The following TBC1D4 variants were observed in gnomAD, a reference collection of about 807,000 sequenced individuals.
TBC1D4 encodes TBC (Tre-2, BUB2, CDC16) domain-containing protein.
TBC1D4 carries 121 observed loss-of-function variants against 142.5 expected under a neutral mutation model. That is an observed-to-expected ratio of 0.85 (90% CI 0.73 to 0.99). The LOEUF is 0.99. TBC1D4 is among the 50% of genes least tolerant of loss of function. The pLI is 0.00. For missense variants in TBC1D4, 1,475 were observed against 1,606.6 expected (o/e 0.92, Z 1.40); for synonymous variants, 630 against 628.2 (o/e 1.00, Z -0.04).
chr13:75,376,421 A>G (rs1034077631), intron 1 of TBC1D4, among the ~76,000 whole-genome samples: 2 of 145,062 alleles, frequency 1.4e-5, no homozygotes, highest in East Asian at 4.1e-4. Flanking sequence ...TGTGTCACCC[A>G]GGCTGGAGTG....
At position 75,481,593 on chromosome 13, in the gene TBC1D4, T is replaced by C; in HGVS notation, c.175A>G (p.Met59Val). Residue 59 changes from methionine to valine, a missense_variant, in exon 1 of 21, where the codon ATG becomes GTG. This residue lies in a region of TBC1D4 where 1,227 missense variants were observed against 1,267.7 expected (regional missense o/e 0.97). Coordinates refer to ENST00000377636, the MANE Select transcript of TBC1D4 (RefSeq NM_014832.5). ...TGGCTGCGCCTGCGGATCTCGGCCA[T>C]GAGCCAGGGCAGCATAGGCAGCGTG... Reference protein sequence around the residue: ...RTTLPMLPWLMAEIRRRSQKP... With the variant: ...RTTLPMLPWLVAEIRRRSQKP... 1.2e-6 allele frequency: 2 copies of C among 1,607,390 alleles called. No homozygotes were observed. The highest frequency in any genetic ancestry group is 1.3e-5 in the African/African-American group (1 of 74,692).
At chr13:75,333,055 T>C (rs765688503) in intron 8 of TBC1D4, among the ~76,000 whole-genome samples, 2 of 152,248 alleles carry the variant, frequency 1.3e-5, no homozygotes, top group Non-Finnish European at 2.9e-5. Context: ...AATGGTTAAT[T>C]CAAAGTTCCT....
At chr13:75,297,962 T>C (rs975276364) in intron 17 of TBC1D4, among the ~76,000 whole-genome samples, 2 of 152,064 alleles carry the variant, frequency 1.3e-5, no homozygotes, top group Non-Finnish European at 2.9e-5. Context: ...CTTCAGAAAG[T>C]AAAGAAAAAT....
chr13:75,406,069 G>C (rs1307515955), intron 1 of TBC1D4, among the ~76,000 whole-genome samples: 1 of 152,200 alleles, frequency 6.6e-6, no homozygotes, highest in African/African-American at 2.4e-5. Context: ...AGTCATAATT[G>C]AATTCGTTCG....
intron 14 of TBC1D4, among the ~76,000 whole-genome samples, chr13:75,308,208 G>T (rs1025729161): frequency 3.3e-5 from 5 of 152,232 alleles, no homozygotes; most frequent in Non-Finnish European, 7.3e-5. Context: ...CAGAGAAACA[G>T]AGAACCGATG....
chr13:75,420,012 G>A (rs1397123814), intron 1 of TBC1D4, among the ~76,000 whole-genome samples: 2 of 152,192 alleles, frequency 1.3e-5, no homozygotes, highest in Non-Finnish European at 2.9e-5. Flanking sequence ...GGGCAGAAAT[G>A]AGAAGAACAC....
chr13:75,339,340 TCAGAAGAACAG>T (rs573688245), intron 7 of TBC1D4, among the ~76,000 whole-genome samples: 25 of 152,108 alleles, frequency 1.6e-4, no homozygotes, highest in African/African-American at 6.0e-4. Flanking sequence ...AAATCTACCA[TCAGAAGAACAG>T]CAGAATTTTC....
In TBC1D4 at chr13:75,335,065, C is replaced by T. The variant is rs1880083427; in HGVS notation, c.1731+1856G>A. ...TGGGGCTGCCACCCCAACACGTGCACATCCTCAGCCTGCTTAGGCACCCAT... is the reference window on the plus strand; with the variant it reads ...TGGGGCTGCCACCCCAACACGTGCATATCCTCAGCCTGCTTAGGCACCCAT... On this transcript the variant is annotated intron_variant, in intron 8 of 20. Coordinates refer to ENST00000377636, the MANE Select transcript of TBC1D4 (RefSeq NM_014832.5). Among the ~76,000 whole-genome samples, 6 of 152,176 alleles carry T rather than the reference C, an allele frequency of 3.9e-5. No individual in the cohort carries two copies. In the South Asian group the frequency reaches 1.2e-3, roughly 32 times the overall value.
In TBC1D4 at chr13:75,481,722, G is replaced by A. The variant is rs745526512; in HGVS notation, c.46C>T (p.Leu16=). The part of the protein sequence containing the change: ...CIQDEPFPHP[L]EPEPGVSAQP... Reference sequence around the variant, plus strand: ...GCTGAGACGCCCGGCTCGGGCTCCAGGGGGTGCGGGAACGGCTCATCCTGA... The same window carrying A: ...GCTGAGACGCCCGGCTCGGGCTCCAAGGGGTGCGGGAACGGCTCATCCTGA... Residue 16 remains leucine (L), a synonymous_variant, in exon 1 of 21, where the codon CTG becomes TTG. Coordinates refer to ENST00000377636, the MANE Select transcript of TBC1D4 (RefSeq NM_014832.5). 2.5e-6 allele frequency: 4 copies of A among 1,596,448 alleles called. No individual in the cohort carries two copies. The highest frequency in any genetic ancestry group is 3.5e-5 in the Admixed American group (2 of 56,858).
chr13:75,395,687 A>G (rs1884759848), intron 1 of TBC1D4, among the ~76,000 whole-genome samples: 2 of 151,988 alleles, frequency 1.3e-5, no homozygotes, highest in Non-Finnish European at 2.9e-5. Context: ...AAAATCAGCC[A>G]GGTGTGGTGG....
Position 75,383,020 on chromosome 13 carries a change from T to C in TBC1D4, c.499-20413A>G, listed in dbSNP as rs544941233. On this transcript the variant is annotated intron_variant, in intron 1 of 20. Coordinates refer to ENST00000377636, the MANE Select transcript of TBC1D4 (RefSeq NM_014832.5). ...TAAGGGCAAGTTAAATGTCATGAAC[T>C]CTATCAAAAGCCTATCTTCGGTCGA... is the stretch of plus-strand genomic sequence containing the variant. Among the ~76,000 whole-genome samples, 47 of 152,318 alleles carry C rather than the reference T, an allele frequency of 3.1e-4. No individual in the cohort carries two copies. The South Asian group carries it at 9.3e-3, about 30-fold the overall frequency.
At chr13:75,462,796 T>A (rs1045183694) in intron 1 of TBC1D4, among the ~76,000 whole-genome samples, 3 of 152,098 alleles carry the variant, frequency 2.0e-5, no homozygotes, top group Non-Finnish European at 4.4e-5. Context: ...ACGACCCTCC[T>A]TGGCTCATCA....
chr13:75,306,389 A>G lies in TBC1D4; in HGVS notation c.2676T>C (p.Thr892=). 1 of 1,613,424 alleles carries G rather than the reference A, an allele frequency of 6.2e-7. No individual in the cohort carries two copies. The highest frequency in any genetic ancestry group is 1.1e-5 in the South Asian group (1 of 91,066). The change falls in exon 15 of 21, where the codon ACT becomes ACC. Residue 892 remains threonine (T), a synonymous_variant. Transcript: ENST00000377636. ...VGACQKEVLI[T]WDKKLLNCRA... ...TGCAGTTTAACAACTTCTTATCCCA[A>G]GTTATTAAGACCTCTTTCTGACATG...
chr13:75,414,774 G>C (rs2138094117), intron 1 of TBC1D4, among the ~76,000 whole-genome samples: 1 of 152,270 alleles, frequency 6.6e-6, no homozygotes, highest in South Asian at 2.1e-4. Flanking sequence ...AAAATTCATA[G>C]AAAGGCCATT....
At chr13:75,469,059 C>A (rs1020424550) in intron 1 of TBC1D4, among the ~76,000 whole-genome samples, 1 of 152,178 alleles carries the variant, frequency 6.6e-6, no homozygotes, top group African/African-American at 2.4e-5. Flanking sequence ...GTGACATTTG[C>A]AATTTAACAG....
In TBC1D4 at chr13:75,299,336, C is replaced by T. The variant is rs200786489; in HGVS notation, c.3150G>A (p.Ser1050=). The T allele has an allele frequency of 1.4e-5, 23 of 1,614,064 alleles. No individual in the cohort carries two copies. The highest frequency in any genetic ancestry group is 1.7e-4 in the Middle Eastern group (1 of 6,032). ...GGAAGCACAAGTGCCTCACCTGCAGCGACATCATGTCAGGTCTGTACTGCT... is the reference window on the plus strand; with the variant it reads ...GGAAGCACAAGTGCCTCACCTGCAGTGACATCATGTCAGGTCTGTACTGCT... The part of the protein sequence containing the change: ...FRKQYRPDMM[S]LQIQMYQLSR... The change falls in exon 17 of 21, where the codon TCG becomes TCA. Residue 1050 remains serine (S), a synonymous_variant. Coordinates refer to ENST00000377636, the MANE Select transcript of TBC1D4 (RefSeq NM_014832.5).
chr13:75,470,952 C>T (rs1040717039), intron 1 of TBC1D4, among the ~76,000 whole-genome samples: 4 of 150,876 alleles, frequency 2.7e-5, no homozygotes, highest in African/African-American at 9.8e-5. Context: ...CGCCACTGCA[C>T]TCCAGCCCAG....
chr13:75,327,118 G>T (rs1879333302), intron 9 of TBC1D4, among the ~76,000 whole-genome samples: 1 of 152,090 alleles, frequency 6.6e-6, no homozygotes, highest in Non-Finnish European at 1.5e-5. Flanking sequence ...ATTTAGACAG[G>T]TATGCTGTTA....
At position 75,358,001 on chromosome 13, in the gene TBC1D4, A is replaced by T. The variant is rs78133667; in HGVS notation, c.1171-1750T>A. On this transcript the variant is annotated intron_variant, in intron 3 of 20. Transcript: ENST00000377636. ...GTTTGGCTAGTTCTTTTTTCTTTCTATTTTTTTTTCTTTTAGCTGCCCAAT... is the reference window on the plus strand; with the variant it reads ...GTTTGGCTAGTTCTTTTTTCTTTCTTTTTTTTTTTCTTTTAGCTGCCCAAT... 4.1e-4 allele frequency among the ~76,000 whole-genome samples: 62 copies of T among 151,360 alleles called. 1 individual carries two copies. In the East Asian group the frequency reaches 0.011, roughly 27 times the overall value.
Sources: allele counts gnomAD v4.1 joint callset (sites outside exome capture counted in the v4.1 genomes callset), GRCh38; gene constraint gnomAD v4.1.1; regional missense constraint gnomAD v4.1.1; transcripts MANE v1.5; gene names NCBI Gene and HGNC (gene_info 2026-07-23, HGNC 2026-07-21).